OR3A2: variants seen among roughly 807,000 people sequenced by gnomAD.
The protein encoded by OR3A2 is olfactory receptor family 3 subfamily A member 2, also known as olfactory receptor 3A2.
For synonymous variants in OR3A2, 126 were observed against 159.3 expected, an observed-to-expected ratio of 0.79 and a Z score of 1.57; for missense variants, 318 against 392.8, an observed-to-expected ratio of 0.81 and a Z score of 1.61.
At chr17:3,329,680 T>G (rs1186004680) in intron 3 of OR3A2, among the ~76,000 whole-genome samples, 2 of 140,436 alleles carry the variant, frequency 1.4e-5, no homozygotes, top group Non-Finnish European at 3.1e-5. Flanking sequence ...ATTCGTTAAT[T>G]TTTTGAAGGG....
intron 3 of OR3A2, among the ~76,000 whole-genome samples, chr17:3,296,356 G>A (rs1054875683): frequency 1.3e-5 from 2 of 152,038 alleles, no homozygotes; most frequent in African/African-American, 4.8e-5. Context: ...AAAAGAATTC[G>A]TAGCCTTAAA....
At position 3,355,515 on chromosome 17, in the gene OR3A2, T is replaced by C. The variant is rs180767016; in HGVS notation, c.-178-19389A>G. Among the ~76,000 whole-genome samples the C allele has an allele frequency of 3.4e-5, 5 of 146,978 alleles. No homozygotes were observed. In the East Asian group the frequency reaches 9.7e-4, roughly 29 times the overall value. On this transcript the variant is annotated intron_variant, in intron 2 of 4. Transcript: ENST00000573491. ...TCTGGGTACTACAGTGCTGCGTACA[T>C]ATATATTTGCAATCATTATATCCTG...
intron 3 of OR3A2, among the ~76,000 whole-genome samples, chr17:3,306,679 CAAAA>C (rs71153340): frequency 4.6e-5 from 5 of 109,302 alleles, no homozygotes; most frequent in Non-Finnish European, 9.3e-5. Context: ...TACTACTCTT[CAAAA>C]AAAAAAAAAA....
At chr17:3,382,283 G>A (rs2049743290) in intron 2 of OR3A2, among the ~76,000 whole-genome samples, 1 of 152,230 alleles carries the variant, frequency 6.6e-6, no homozygotes, top group African/African-American at 2.4e-5. Flanking sequence ...CCTGCATCCA[G>A]TAGGCAAGAG....
intron 1 of OR3A2, among the ~76,000 whole-genome samples, chr17:3,384,574 A>G (rs998119620): frequency 6.6e-6 from 1 of 152,160 alleles, no homozygotes; most frequent in African/African-American, 2.4e-5. Context: ...TCTAGGAAGA[A>G]TAATTTACTC....
At position 3,311,172 on chromosome 17, in the gene OR3A2, C is replaced by T. The variant is rs765199612; in HGVS notation, c.-85+24861G>A. ...CCTCAACACTGTCATCAGCCCCATG[C>T]TGAACCCACTCATCTACTGGACATC... On this transcript the variant is annotated intron_variant, in intron 3 of 4. Coordinates refer to the OR3A2 transcript ENST00000573491. The surrounding 1 kb of genome is among the most constrained non-coding windows in gnomAD (Gnocchi z 4.6). 1 of 538,478 alleles carries T rather than the reference C, an allele frequency of 1.9e-6. No homozygotes were observed. Among genetic ancestry groups the T allele is most frequent in the South Asian group, 1.4e-5 (1 of 71,700 alleles). 33.4% of individuals were successfully genotyped at this position (538,478 alleles called of 1,614,324 possible). A position where few individuals can be genotyped will look rare whatever the true frequency, so the allele number is the denominator to read the frequency against.
exon 2 of OR3A2, chr17:3,277,233 C>CA (rs1250882282): frequency 1.3e-5 from 2 of 152,306 alleles, no homozygotes; most frequent in South Asian, 4.1e-4. Context: ...CAGTCAACAT[C>CA]CAGCAGGATT....
chr17:3,324,335 G>A (rs1048967906), intron 3 of OR3A2, among the ~76,000 whole-genome samples: 8 of 151,728 alleles, frequency 5.3e-5, no homozygotes, highest in Non-Finnish European at 8.8e-5. Flanking sequence ...TAATTTGATC[G>A]TCTGAAGCCT....
chr17:3,325,981 C>T (rs1344059676), intron 3 of OR3A2, among the ~76,000 whole-genome samples: 1 of 151,976 alleles, frequency 6.6e-6, no homozygotes, highest in Non-Finnish European at 1.5e-5. Flanking sequence ...TGTTGTTTCC[C>T]CGAATGTGTC....
chr17:3,292,868 T>G (rs1309998392), intron 3 of OR3A2, among the ~76,000 whole-genome samples: 1 of 152,114 alleles, frequency 6.6e-6, no homozygotes, highest in Admixed American at 6.5e-5. Flanking sequence ...TTGTAAAGAT[T>G]ATGAAAGACA....
At chr17:3,306,433 G>A (rs1597329811) in intron 3 of OR3A2, among the ~76,000 whole-genome samples, 2 of 151,936 alleles carry the variant, frequency 1.3e-5, no homozygotes, top group Admixed American at 6.6e-5. Flanking sequence ...ACAAGCCACC[G>A]CATCCAGCCA....
chr17:3,345,137 T>C (rs1293268061), intron 2 of OR3A2, among the ~76,000 whole-genome samples: 1 of 152,162 alleles, frequency 6.6e-6, no homozygotes, highest in African/African-American at 2.4e-5. Flanking sequence ...GGTACCACGA[T>C]GCTGATGTAG....
At chr17:3,363,704 A>G (rs1238450638) in intron 2 of OR3A2, among the ~76,000 whole-genome samples, 4 of 152,098 alleles carry the variant, frequency 2.6e-5, no homozygotes, top group Non-Finnish European at 5.9e-5. Context: ...TCATTTTCAC[A>G]CTGCTATAAA....
At chr17:3,278,067 A>C in exon 2 of OR3A2, 12 of 1,614,204 alleles carry the variant, frequency 7.4e-6, no homozygotes, top group East Asian at 2.2e-5. Context: ...CATAGGGTTG[A>C]TAACAGTGTT....
chr17:3,333,119 T>C (rs1208596410), intron 3 of OR3A2, among the ~76,000 whole-genome samples: 1 of 152,182 alleles, frequency 6.6e-6, no homozygotes, highest in East Asian at 1.9e-4. Context: ...GAATATTAAA[T>C]ATTAAGACCC....
chr17:3,287,356 C>T (rs2048822907), upstream of OR3A2, among the ~76,000 whole-genome samples: 1 of 151,946 alleles, frequency 6.6e-6, no homozygotes, highest in Non-Finnish European at 1.5e-5. Context: ...TTCTCATCAT[C>T]CACCCCCCTC....
rs149500673 is a variant in OR3A2, at chr17:3,337,564, G to A, written c.-178-1438C>T. 5.7e-3 allele frequency among the ~76,000 whole-genome samples: 866 copies of A among 152,156 alleles called. 6 individuals are homozygous for A. The highest frequency in any genetic ancestry group is 0.02 in the African/African-American group (823 of 41,512). ...CTTGCGATAGTTTACTGAGAATGAC[G>A]GTTTCCAGCTTCATCCATGTCCTTA... On this transcript the variant is annotated intron_variant, in intron 2 of 4. Transcript: ENST00000573491.
chr17:3,352,570 T>G lies in OR3A2; in HGVS notation c.-178-16444A>C, dbSNP rs111457116. On this transcript the variant is annotated intron_variant, in intron 2 of 4. Coordinates refer to the OR3A2 transcript ENST00000573491. ...AAAAATGAGTTCACTGTAGGAGTGT[T>G]TGTTTCTGAGTTCTCTATTATGTTC... is the stretch of plus-strand genomic sequence containing the variant. Among the ~76,000 whole-genome samples, 1,376 of 151,840 alleles carry G rather than the reference T, an allele frequency of 9.1e-3. 24 individuals are homozygous for G. The highest frequency in any genetic ancestry group is 0.031 in the African/African-American group (1,291 of 41,480).
At chr17:3,293,541 C>T (rs1370384078) in intron 3 of OR3A2, among the ~76,000 whole-genome samples, 6 of 151,994 alleles carry the variant, frequency 3.9e-5, no homozygotes, top group Non-Finnish European at 7.4e-5. Flanking sequence ...AAACTCATGT[C>T]ATTTAAGGAT....
Sources: gnomAD v4.1 joint callset for allele counts (sites outside exome capture counted in the v4.1 genomes callset) on GRCh38, gnomAD v4.1.1 for gene constraint, Gnocchi (gnomAD v3.1) non-coding constraint, MANE v1.5 for transcripts, NCBI Gene and HGNC (gene_info 2026-07-23, HGNC 2026-07-21) for gene names.